PCDHGB3: variants seen among roughly 807,000 people sequenced by gnomAD.
PCDHGB3 encodes protocadherin gamma subfamily B, 3, also known as protocadherin gamma-B3.
In PCDHGB3, 40 loss-of-function variants were observed where a neutral mutation model predicts 59.2. The ratio of observed to expected loss-of-function variants is 0.68; its 90% CI spans 0.52 to 0.88. The LOEUF is 0.88. Ranked by LOEUF, PCDHGB3 falls within the 40% of genes least tolerant of loss-of-function variation. PCDHGB3 has a pLI of 0.00. For missense variants in PCDHGB3, 1,309 were observed against 1,187.9 expected (o/e 1.10, Z -1.50); for synonymous variants, 581 against 503.6 (o/e 1.15, Z -2.06).
chr5:141,450,815 A>AT (rs1554136868), intron 1 of PCDHGB3, among the ~76,000 whole-genome samples: 4,329 of 126,688 alleles, frequency 0.034, 70 homozygotes, highest in Middle Eastern at 0.091. Flanking sequence ...TATTTATTTA[A>AT]TATTATTATT....
intron 1 of PCDHGB3, chr5:141,385,640 A>G (rs917789862): frequency 1.2e-6 from 1 of 803,664 alleles, no homozygotes; most frequent in South Asian, 4.4e-5. Context: ...CGAGTCTTTC[A>G]TATTGCACAA....
intron 1 of PCDHGB3, among the ~76,000 whole-genome samples, chr5:141,434,225 G>A (rs1591320318): frequency 6.6e-6 from 1 of 152,146 alleles, no homozygotes; most frequent in African/African-American, 2.4e-5. Flanking sequence ...AACAAAGTAC[G>A]ATTTCTGGAC....
At chr5:141,383,483 T>A (rs1779176353) in intron 1 of PCDHGB3, 1 of 1,613,378 alleles carries the variant, frequency 6.2e-7, no homozygotes, top group Non-Finnish European at 8.5e-7. Flanking sequence ...CCGGAACTGG[T>A]GCTGGAGCGG....
chr5:141,407,455 C>G (rs2094931708), intron 1 of PCDHGB3, among the ~76,000 whole-genome samples: 1 of 148,412 alleles, frequency 6.7e-6, no homozygotes, highest in African/African-American at 2.5e-5. Context: ...ACGAGGCTCA[C>G]CAGACAGATG....
intron 1 of PCDHGB3, chr5:141,427,894 C>T (rs974220302): frequency 1.3e-6 from 2 of 1,568,222 alleles, no homozygotes; most frequent in East Asian, 2.2e-5. Flanking sequence ...GACCAGGGCT[C>T]GCCCGCGCTC....
intron 2 of PCDHGB3, among the ~76,000 whole-genome samples, chr5:141,496,628 C>T (rs928402582): frequency 2.0e-5 from 3 of 152,212 alleles, no homozygotes; most frequent in Non-Finnish European, 2.9e-5. Flanking sequence ...GATCAAAAGG[C>T]TTGGGCTGCC....
In PCDHGB3 at chr5:141,511,999, C is replaced by G. The variant is rs1049440139; in HGVS notation, c.*826C>G. ...GTGGATGGTGGGGGCATGGACAAAG[C>G]TTGACACATCAAGTTATCAAGGCCT... is the stretch of plus-strand genomic sequence containing the variant. On this transcript the variant is annotated 3_prime_UTR_variant, in exon 4 of 4. Coordinates refer to ENST00000576222, the MANE Select transcript of PCDHGB3 (RefSeq NM_018924.5). 6.5e-6 allele frequency: 1 copy of G among 153,016 alleles called. No individual in the cohort carries two copies. Among genetic ancestry groups the G allele is most frequent in the Non-Finnish European group, 1.5e-5 (1 of 68,392 alleles). The allele number at this position is 153,016 out of a possible 1,614,324, so 9.5% of individuals were successfully genotyped here. A position where few individuals can be genotyped will look rare whatever the true frequency, so the allele number is the denominator to read the frequency against.
chr5:141,452,678 C>T (rs1311364057), intron 1 of PCDHGB3, among the ~76,000 whole-genome samples: 1 of 150,100 alleles, frequency 6.7e-6, no homozygotes, highest in African/African-American at 2.5e-5. Flanking sequence ...GCCTAGGCCA[C>T]AGAATGAAAC....
At chr5:141,393,075 G>A in intron 1 of PCDHGB3, 1 of 1,613,702 alleles carries the variant, frequency 6.2e-7, no homozygotes, top group Non-Finnish European at 8.5e-7. Context: ...GATCACCGCG[G>A]GCAGGATAGA....
intron 1 of PCDHGB3, chr5:141,413,652 G>A: frequency 6.2e-7 from 1 of 1,613,780 alleles, no homozygotes; most frequent in Non-Finnish European, 8.5e-7. Context: ...TTCCTCTCCC[G>A]GAAGCTATTG....
rs375127524 is a variant in PCDHGB3, at chr5:141,490,702, C to G, written c.2416-4105C>G. ...AGATCCAGACACTGGGGATAATGCCCGCCTCACCTACTCCATTGTAGGAAA... is the reference window on the plus strand; with the variant it reads ...AGATCCAGACACTGGGGATAATGCCGGCCTCACCTACTCCATTGTAGGAAA... On this transcript the variant is annotated intron_variant, in intron 1 of 3. Coordinates refer to ENST00000576222, the MANE Select transcript of PCDHGB3 (RefSeq NM_018924.5). This position sits in a 1 kb window ranked among gnomAD's most constrained non-coding sequence, Gnocchi z 5.4. The G allele has an allele frequency of 1.2e-6, 2 of 1,614,060 alleles. No homozygotes were observed. Among genetic ancestry groups the G allele is most frequent in the Admixed American group, 1.7e-5 (1 of 60,008 alleles).
Position 141,371,259 on chromosome 5 carries a change from A to T in PCDHGB3, c.865A>T (p.Arg289Ter), listed in dbSNP as rs767414793. 5 of 1,613,926 alleles carry T rather than the reference A, an allele frequency of 3.1e-6. No individual in the cohort carries two copies. In the African/African-American group the frequency reaches 6.7e-5, roughly 22 times the overall value. ...YAFINIGKEV[R>*]QLFKLDSKTG... is the part of the protein sequence containing the mutation. ...CTTCATCAATATTGGCAAGGAAGTG[A>T]GACAACTGTTCAAGCTGGACAGTAA... The change falls in exon 1 of 4, where the codon AGA becomes TGA. Residue 289 changes from arginine (R) to a stop codon, truncating the protein, a stop_gained. Transcript: ENST00000576222. LOFTEE classifies it high-confidence loss of function.
Position 141,399,953 on chromosome 5 carries a change from A to G in PCDHGB3, c.2415+27144A>G, listed in dbSNP as rs1257117587. ...TCCTACCACGTGCTGCAGGCTAGCGAGCCCGGGCTCTTCAGCCTGGGGCTG... is the reference window on the plus strand; with the variant it reads ...TCCTACCACGTGCTGCAGGCTAGCGGGCCCGGGCTCTTCAGCCTGGGGCTG... On this transcript the variant is annotated intron_variant, in intron 1 of 3. Coordinates refer to ENST00000576222, the MANE Select transcript of PCDHGB3 (RefSeq NM_018924.5). The G allele has an allele frequency of 2.5e-5, 40 of 1,612,030 alleles. 1 individual carries two copies. Among genetic ancestry groups the G allele is most frequent in the Non-Finnish European group, 3.4e-5 (40 of 1,179,690 alleles).
rs116716465 is a variant in PCDHGB3, at chr5:141,484,286, C to T, written c.2416-10521C>T. ...GATTCTTTACTGTTTTGAAACATCTCCCTCTCCTGGCTTCCTCCACCCCGC... is the reference window on the plus strand; with the variant it reads ...GATTCTTTACTGTTTTGAAACATCTTCCTCTCCTGGCTTCCTCCACCCCGC... On this transcript the variant is annotated intron_variant, in intron 1 of 3. Coordinates refer to ENST00000576222, the MANE Select transcript of PCDHGB3 (RefSeq NM_018924.5). 8.3e-3 allele frequency among the ~76,000 whole-genome samples: 1,266 copies of T among 152,294 alleles called. 10 individuals carry two copies. The highest frequency in any genetic ancestry group is 0.014 in the Non-Finnish European group (936 of 68,022).
At chr5:141,445,553 A>G (rs948468877) in intron 1 of PCDHGB3, among the ~76,000 whole-genome samples, 1 of 152,252 alleles carries the variant, frequency 6.6e-6, no homozygotes, top group Non-Finnish European at 1.5e-5. Context: ...ATACAAAAGC[A>G]CTAAGAGAAA....
chr5:141,502,308 C>T (rs928137926), intron 2 of PCDHGB3, among the ~76,000 whole-genome samples: 2 of 151,586 alleles, frequency 1.3e-5, no homozygotes, highest in Non-Finnish European at 2.9e-5. Flanking sequence ...CTTTCCTCTC[C>T]TTTAATCTGG....
chr5:141,427,973 C>T (rs754410723), intron 1 of PCDHGB3: 3 of 1,594,054 alleles, frequency 1.9e-6, no homozygotes, highest in Non-Finnish European at 2.6e-6. Context: ...TGCTGTACCC[C>T]GCGCTGGGGC....
chr5:141,415,880 A>G, intron 1 of PCDHGB3: 1 of 1,003,078 alleles, frequency 1.0e-6, no homozygotes. Flanking sequence ...TGAGTACAAT[A>G]TTGACAATTC....
chr5:141,421,233 G>T (rs201076931), intron 1 of PCDHGB3: 2 of 1,592,240 alleles, frequency 1.3e-6, no homozygotes, highest in Non-Finnish European at 1.7e-6. Flanking sequence ...CTGCCATGGC[G>T]AATCGGCTAC....
Sources: allele counts gnomAD v4.1 joint callset (sites outside exome capture counted in the v4.1 genomes callset), GRCh38; gene constraint gnomAD v4.1.1; non-coding constraint Gnocchi (gnomAD v3.1); transcripts MANE v1.5; gene names NCBI Gene and HGNC (gene_info 2026-07-23, HGNC 2026-07-21).